The following EML6 variants were observed in gnomAD, a reference collection of about 807,000 sequenced individuals.
EML6 encodes the protein echinoderm microtubule-associated protein-like 6.
In EML6, 154 loss-of-function variants were observed where a neutral mutation model predicts 240.1. That is an observed-to-expected ratio of 0.64 (90% confidence interval 0.56 to 0.73). The LOEUF is 0.73. Ranked by LOEUF, EML6 falls within the 30% of genes least tolerant of loss-of-function variation. The pLI, the probability that EML6 is intolerant of heterozygous loss-of-function variation, is 0.00. For synonymous variants in EML6, 1,148 were observed against 899.0 expected (o/e 1.28, Z -4.95); for missense variants, 2,964 against 2,474.6 (o/e 1.20, Z -4.20).
At position 54,903,166 on chromosome 2, in the gene EML6, G is replaced by C. The variant is rs779962580; in HGVS notation, c.3247G>C (p.Glu1083Gln). ...EDMVSFHHRK[E>Q]MISDIKFSKD... is the part of the protein sequence containing the mutation. ...CATGGTCTCTTTCCATCACAGAAAA[G>C]AAATGATCTCTGATATTAAGTTTTC... The change falls in exon 23 of 42, where the codon GAA (glutamate) becomes CAA (glutamine). Residue 1083 changes from glutamate to glutamine, a missense_variant. Transcript: ENST00000356458. The C allele has an allele frequency of 6.4e-7, 1 of 1,551,882 alleles. No homozygotes were observed. The highest frequency in any genetic ancestry group is 8.7e-7 in the Non-Finnish European group (1 of 1,147,022).
intron 2 of EML6, among the ~76,000 whole-genome samples, chr2:54,786,801 C>T (rs993850643): frequency 6.6e-6 from 1 of 152,218 alleles, no homozygotes; most frequent in African/African-American, 2.4e-5. Context: ...TAATGTTCTC[C>T]CCTTTCCTCG....
chr2:54,737,846 A>G (rs903557578), intron 2 of EML6, among the ~76,000 whole-genome samples: 13 of 151,782 alleles, frequency 8.6e-5, no homozygotes, highest in African/African-American at 2.9e-4. Context: ...GGCCCCTTTT[A>G]CCTCTGCGAT....
chr2:54,791,733 C>G (rs768242945), intron 2 of EML6, among the ~76,000 whole-genome samples: 3 of 152,180 alleles, frequency 2.0e-5, no homozygotes, highest in Non-Finnish European at 4.4e-5. Context: ...AAAAATGATA[C>G]TGGAGGTTCA....
chr2:54,886,266 A>G (rs1672135281), intron 17 of EML6, among the ~76,000 whole-genome samples: 2 of 144,864 alleles, frequency 1.4e-5, no homozygotes, highest in African/African-American at 5.1e-5. Context: ...CCTGGGTTCA[A>G]GTGATTCTCC....
At chr2:54,902,426 G>T (rs1673106824) in intron 22 of EML6, among the ~76,000 whole-genome samples, 2 of 152,104 alleles carry the variant, frequency 1.3e-5, no homozygotes, top group African/African-American at 4.8e-5. Context: ...TTGAGACAGG[G>T]TCTCCCTCTG....
intron 3 of EML6, among the ~76,000 whole-genome samples, chr2:54,813,593 C>G (rs1667956429): frequency 6.6e-6 from 1 of 152,120 alleles, no homozygotes; most frequent in African/African-American, 2.4e-5. Context: ...TTTTTGTTCC[C>G]CTAGTCCCAC....
At chr2:54,955,592 C>T (rs946130697) in intron 32 of EML6, among the ~76,000 whole-genome samples, 12 of 152,168 alleles carry the variant, frequency 7.9e-5, no homozygotes, top group African/African-American at 2.4e-4. Flanking sequence ...CCCCACTGCA[C>T]GGCCTTGTCT....
At position 54,959,145 on chromosome 2, in the gene EML6, C is replaced by T. The variant is rs1205218795; in HGVS notation, c.4737C>T (p.Tyr1579=). Residue 1579 remains tyrosine, a synonymous_variant, in exon 34 of 42, where the codon TAC becomes TAT. Transcript: ENST00000356458. The stretch of plus-strand genomic sequence containing the variant: ...CGGGTGCCATCAATGGAGATGTCTA[C>T]GTCTGGAAGGACCACTTCCTCATCC... ...TFTGAINGDV[Y]VWKDHFLIRL... The T allele has an allele frequency of 3.2e-5, 49 of 1,551,438 alleles. No individual in the cohort carries two copies. The highest frequency in any genetic ancestry group is 4.0e-5 in the Non-Finnish European group (46 of 1,146,946).
chr2:54,845,684 A>G (rs1669713399), intron 8 of EML6, among the ~76,000 whole-genome samples: 1 of 152,196 alleles, frequency 6.6e-6, no homozygotes, highest in African/African-American at 2.4e-5. Flanking sequence ...ACAGCATGAG[A>G]TCATGCATGA....
intron 2 of EML6, among the ~76,000 whole-genome samples, chr2:54,726,451 T>A (rs1056281071): frequency 6.6e-5 from 10 of 152,322 alleles, no homozygotes; most frequent in Admixed American, 2.0e-4. Context: ...GAGCCTTTTT[T>A]TTTTCTGAGA....
intron 28 of EML6, among the ~76,000 whole-genome samples, chr2:54,945,516 A>T (rs1675651168): frequency 6.6e-6 from 1 of 152,030 alleles, no homozygotes; most frequent in Admixed American, 6.6e-5. Flanking sequence ...TCTTTATAGA[A>T]ACTGGTTGGA....
At chr2:54,776,107 T>C (rs974916) in intron 2 of EML6, among the ~76,000 whole-genome samples, 89,737 of 151,926 alleles carry the variant, frequency 0.59, 27,508 homozygotes, top group African/African-American at 0.76. Flanking sequence ...TCACAGGGGT[T>C]CAACCTGCCT....
chr2:54,890,972 A>G (rs1672435471), intron 17 of EML6, 82 bp from the exon 18 acceptor site: 1 of 646,398 alleles, frequency 1.5e-6, no homozygotes, highest in Non-Finnish European at 2.6e-6. Flanking sequence ...TGTGCTTAAA[A>G]TTAGACCAAA....
intron 7 of EML6, among the ~76,000 whole-genome samples, chr2:54,835,767 G>C (rs1669108225): frequency 6.6e-6 from 1 of 152,142 alleles, no homozygotes; most frequent in African/African-American, 2.4e-5. Context: ...CAACTGCAGA[G>C]TTGCGACTGG....
intron 2 of EML6, among the ~76,000 whole-genome samples, chr2:54,775,714 C>T (rs928746602): frequency 9.9e-5 from 15 of 152,090 alleles, no homozygotes; most frequent in African/African-American, 3.4e-4. Context: ...AGCATGCACT[C>T]CACAAATTTT....
intron 13 of EML6, among the ~76,000 whole-genome samples, chr2:54,865,579 A>T (rs1302653076): frequency 6.6e-6 from 1 of 152,240 alleles, no homozygotes; most frequent in Non-Finnish European, 1.5e-5. Flanking sequence ...AAACTTCGTA[A>T]GTACTGGTTT....
intron 12 of EML6, among the ~76,000 whole-genome samples, chr2:54,861,081 C>T (rs1014244355): frequency 2.0e-5 from 3 of 152,162 alleles, no homozygotes; most frequent in Non-Finnish European, 4.4e-5. Flanking sequence ...GCATACACTT[C>T]CAATGCTACT....
intron 2 of EML6, among the ~76,000 whole-genome samples, chr2:54,741,099 C>T (rs1464383853): frequency 6.6e-6 from 1 of 152,090 alleles, no homozygotes; most frequent in Non-Finnish European, 1.5e-5. Context: ...CACAGCGATC[C>T]AGGCAGGAAC....
At chr2:54,804,448 G>A (rs1332745739) in intron 2 of EML6, among the ~76,000 whole-genome samples, 1 of 152,176 alleles carries the variant, frequency 6.6e-6, no homozygotes, top group Non-Finnish European at 1.5e-5. Context: ...CTTTTTCAAA[G>A]AATGCACTGT....
Sources: gnomAD v4.1 joint callset for allele counts (sites outside exome capture counted in the v4.1 genomes callset) on GRCh38, gnomAD v4.1.1 for gene constraint, MANE v1.5 for transcripts, NCBI Gene and HGNC (gene_info 2026-07-23, HGNC 2026-07-21) for gene names.